Variants in EXOC6B observed in about 807,000 individuals in gnomAD.
The protein encoded by EXOC6B is SEC15 homolog B.
EXOC6B carries 54 observed loss-of-function variants against 113.5 expected under a neutral mutation model. The ratio of observed to expected loss-of-function variants is 0.48; its 90% CI spans 0.38 to 0.60. The LOEUF (loss-of-function observed/expected upper bound fraction) is 0.60. EXOC6B is among the 20% of genes least tolerant of loss of function. EXOC6B has a pLI of 0.00. For synonymous variants in EXOC6B, 357 were observed against 339.0 expected, an observed-to-expected ratio of 1.05 and a Z score of -0.58; for missense variants, 797 against 977.5, an observed-to-expected ratio of 0.82 and a Z score of 2.46.
At chr2:72,663,152 A>C (rs1675142261) in intron 6 of EXOC6B, among the ~76,000 whole-genome samples, 1 of 152,248 alleles carries the variant, frequency 6.6e-6, no homozygotes, top group Non-Finnish European at 1.5e-5. Context: ...CAATTCTATA[A>C]ACAACTTGTA....
At chr2:72,578,955 G>A (rs1356160492) in intron 6 of EXOC6B, among the ~76,000 whole-genome samples, 1 of 152,112 alleles carries the variant, frequency 6.6e-6, no homozygotes, top group Admixed American at 6.5e-5. Flanking sequence ...ATGAAAGAAT[G>A]TAAGCAGGGG....
intron 7 of EXOC6B, among the ~76,000 whole-genome samples, chr2:72,567,338 G>A (rs573978085): frequency 2.6e-5 from 4 of 152,044 alleles, no homozygotes; most frequent in African/African-American, 9.6e-5. Context: ...TGCTTTTAGT[G>A]ACATTTGCAT....
Position 72,225,071 on chromosome 2 carries a change from C to T in EXOC6B, c.2197-40884G>A, listed in dbSNP as rs185701371. Among the ~76,000 whole-genome samples the T allele has an allele frequency of 7.5e-4, 111 of 148,152 alleles. 1 individual carries two copies. The highest frequency in any genetic ancestry group is 2.7e-3 in the African/African-American group (107 of 40,268). The stretch of plus-strand genomic sequence containing the variant: ...TTCGCCATGTTGTCCAGGTTGGTCT[C>T]AAACTCCTGGGCTGAAGTGATGCAT... On this transcript the variant is annotated intron_variant, in intron 20 of 21. Transcript: ENST00000272427.
At chr2:72,791,947 G>C (rs964003506) in intron 1 of EXOC6B, among the ~76,000 whole-genome samples, 2 of 152,122 alleles carry the variant, frequency 1.3e-5, no homozygotes, top group Non-Finnish European at 2.9e-5. Context: ...CAAAATCCAA[G>C]CTTCAGCATT....
In EXOC6B at chr2:72,652,379, A is replaced by C. The variant is rs2044501; in HGVS notation, c.669+65724T>G. Among the ~76,000 whole-genome samples, 83 of 152,280 alleles carry C rather than the reference A, an allele frequency of 5.5e-4. No homozygotes were observed. In the South Asian group the frequency reaches 0.016, roughly 28 times the overall value. On this transcript the variant is annotated intron_variant, in intron 6 of 21. Transcript: ENST00000272427. ...TTGTCAAGATAATTGCTTCAGTATT[A>C]ATTAAATATGTCTCCTGCAGCTGCA...
chr2:72,565,895 TTATC>T (rs1704146130), intron 7 of EXOC6B, among the ~76,000 whole-genome samples: 1 of 152,040 alleles, frequency 6.6e-6, no homozygotes, highest in African/African-American at 2.4e-5. Context: ...GAATTTGACA[TTATC>T]TAACAAAATT....
intron 6 of EXOC6B, among the ~76,000 whole-genome samples, chr2:72,674,848 T>A: frequency 6.6e-6 from 1 of 151,622 alleles, no homozygotes; most frequent in East Asian, 1.9e-4. Flanking sequence ...TAATGATAAA[T>A]AGATAAACAG....
chr2:72,578,679 G>GT (rs951862628), intron 6 of EXOC6B, among the ~76,000 whole-genome samples: 23 of 152,118 alleles, frequency 1.5e-4, no homozygotes, highest in African/African-American at 5.1e-4. Flanking sequence ...TGGAGACCCT[G>GT]ACCCCTGAAT....
At position 72,704,600 on chromosome 2, in the gene EXOC6B, A is replaced by G. The variant is rs182512171; in HGVS notation, c.669+13503T>C. Among the ~76,000 whole-genome samples the G allele has an allele frequency of 2.5e-3, 385 of 152,316 alleles. 1 individual carries two copies. The highest frequency in any genetic ancestry group is 8.9e-3 in the African/African-American group (371 of 41,556). On this transcript the variant is annotated intron_variant, in intron 6 of 21. Coordinates refer to ENST00000272427, the MANE Select transcript of EXOC6B (RefSeq NM_015189.3). ...CGCTAGCAAGACTAACAAAGAAAAA[A>G]AGAGAGAAGAATCAAATAGACGCAA...
At chr2:72,585,553 C>T (rs187102796) in intron 6 of EXOC6B, among the ~76,000 whole-genome samples, 2 of 151,030 alleles carry the variant, frequency 1.3e-5, no homozygotes, top group Non-Finnish European at 2.9e-5. Flanking sequence ...TCCGAGATCA[C>T]GCCATTGCAC....
chr2:72,709,329 C>A (rs541314688), intron 6 of EXOC6B, among the ~76,000 whole-genome samples: 1 of 152,238 alleles, frequency 6.6e-6, no homozygotes, highest in South Asian at 2.1e-4. Context: ...GCTGAGAGCA[C>A]AACAATCCTA....
At chr2:72,704,097 T>A (rs1303024763) in intron 6 of EXOC6B, among the ~76,000 whole-genome samples, 5 of 149,542 alleles carry the variant, frequency 3.3e-5, no homozygotes. Context: ...CCTCAGCAAA[T>A]GTAAAAGAAC....
chr2:72,189,812 C>G (rs965479163), intron 20 of EXOC6B, among the ~76,000 whole-genome samples: 4 of 127,490 alleles, frequency 3.1e-5, no homozygotes, highest in African/African-American at 1.2e-4. Context: ...TTCTCTTTCT[C>G]TTTCCTTCAT....
At chr2:72,768,170 G>A (rs1335310958) in intron 1 of EXOC6B, among the ~76,000 whole-genome samples, 2 of 142,160 alleles carry the variant, frequency 1.4e-5, no homozygotes, top group African/African-American at 2.6e-5. Context: ...TGAAACAGAA[G>A]AAAAAAATTA....
intron 20 of EXOC6B, among the ~76,000 whole-genome samples, chr2:72,270,406 A>G (rs1387454453): frequency 6.6e-6 from 1 of 152,160 alleles, no homozygotes; most frequent in Non-Finnish European, 1.5e-5. Context: ...ACTTCTCTCT[A>G]TAATAGGGAC....
At chr2:72,243,276 A>T (rs562964324) in intron 20 of EXOC6B, among the ~76,000 whole-genome samples, 2 of 152,204 alleles carry the variant, frequency 1.3e-5, no homozygotes, top group South Asian at 2.1e-4. Flanking sequence ...TCATGCTACT[A>T]TAAAGACACA....
intron 20 of EXOC6B, among the ~76,000 whole-genome samples, chr2:72,330,977 T>C (rs1040302125): frequency 3.9e-5 from 6 of 152,084 alleles, no homozygotes; most frequent in African/African-American, 1.4e-4. Flanking sequence ...CCCTAGCCAA[T>C]CTAGCAGCAG....
intron 1 of EXOC6B, among the ~76,000 whole-genome samples, chr2:72,790,332 G>A (rs1371899900): frequency 6.6e-6 from 1 of 152,160 alleles, no homozygotes; most frequent in Non-Finnish European, 1.5e-5. Flanking sequence ...TACAAACCAA[G>A]TGGCAAAAGT....
At chr2:72,292,614 A>G (rs1685874615) in intron 20 of EXOC6B, among the ~76,000 whole-genome samples, 1 of 152,066 alleles carries the variant, frequency 6.6e-6, no homozygotes, top group East Asian at 1.9e-4. Context: ...TAACCATCAC[A>G]ACAATCAGAA....
Sources: allele counts gnomAD v4.1 joint callset (sites outside exome capture counted in the v4.1 genomes callset), GRCh38; gene constraint gnomAD v4.1.1; transcripts MANE v1.5; gene names NCBI Gene and HGNC (gene_info 2026-07-23, HGNC 2026-07-21).